The following PRKCB variants were observed in gnomAD, a reference collection of about 807,000 sequenced individuals.
PRKCB encodes the protein protein kinase C beta type.
Under a neutral mutation model 81.5 loss-of-function variants are expected in PRKCB, and 13 were observed. The ratio of observed to expected loss-of-function variants is 0.16; its 90% CI spans 0.10 to 0.25. PRKCB has a LOEUF of 0.25. Among genes scored for constraint, PRKCB ranks in the 10% least tolerant of loss-of-function variants. The pLI, the probability that PRKCB is intolerant of heterozygous loss-of-function variation, is 1.00. For synonymous variants in PRKCB, 335 were observed against 321.4 expected, an observed-to-expected ratio of 1.04 and a Z score of -0.45; for missense variants, 509 against 875.7, an observed-to-expected ratio of 0.58 and a Z score of 5.29.
chr16:24,108,186 G>A (rs1966602568), intron 7 of PRKCB, among the ~76,000 whole-genome samples: 1 of 148,992 alleles, frequency 6.7e-6, no homozygotes, highest in Non-Finnish European at 1.5e-5. Flanking sequence ...TTTTTTATTG[G>A]AACATTAATT....
intron 2 of PRKCB, among the ~76,000 whole-genome samples, chr16:23,858,196 A>G (rs10852256): frequency 0.51 from 76,830 of 152,072 alleles, 21,093 homozygotes; most frequent in East Asian, 0.66. Flanking sequence ...CCTTCCACTA[A>G]GATTTGCTGC....
intron 13 of PRKCB, among the ~76,000 whole-genome samples, chr16:24,183,689 A>G (rs1967661364): frequency 6.6e-6 from 1 of 152,228 alleles, no homozygotes; most frequent in Admixed American, 6.5e-5. Context: ...ACATAACTTC[A>G]TGATATAGAG....
At position 24,119,336 on chromosome 16, in the gene PRKCB, C is replaced by A. The variant is rs550639050; in HGVS notation, c.919-4499C>A. On this transcript the variant is annotated intron_variant, in intron 8 of 16. Coordinates refer to ENST00000643927, the MANE Select transcript of PRKCB (RefSeq NM_002738.7). Reference sequence around the variant, plus strand: ...TGAAGGACAAGGAAAAAATCAACCCCTCTTCCCACCCCCCCAAAAAAGTCC... The same window carrying A: ...TGAAGGACAAGGAAAAAATCAACCCATCTTCCCACCCCCCCAAAAAAGTCC... Among the ~76,000 whole-genome samples, 530 of 152,166 alleles carry A rather than the reference C, an allele frequency of 3.5e-3. 2 individuals are homozygous for A. The highest frequency in any genetic ancestry group is 0.011 in the African/African-American group (473 of 41,484).
intron 5 of PRKCB, among the ~76,000 whole-genome samples, chr16:24,059,487 A>G (rs1197339568): frequency 6.6e-6 from 1 of 151,828 alleles, no homozygotes; most frequent in Non-Finnish European, 1.5e-5. Context: ...GGGAGACTCC[A>G]TTTCTACAAA....
intron 5 of PRKCB, among the ~76,000 whole-genome samples, chr16:24,048,664 G>A (rs1223250230): frequency 6.6e-6 from 1 of 151,802 alleles, no homozygotes; most frequent in Non-Finnish European, 1.5e-5. Flanking sequence ...TAATTTTTTT[G>A]TATTTTTAGT....
chr16:23,901,336 C>T (rs1362176932), intron 2 of PRKCB, among the ~76,000 whole-genome samples: 2 of 152,062 alleles, frequency 1.3e-5, no homozygotes, highest in African/African-American at 2.4e-5. Flanking sequence ...CATGGGTTCT[C>T]TTGCTTAAAA....
At chr16:24,195,225 C>T (rs920648483) in intron 16 of PRKCB, among the ~76,000 whole-genome samples, 1 of 151,500 alleles carries the variant, frequency 6.6e-6, no homozygotes, top group Non-Finnish European at 1.5e-5. Flanking sequence ...AGATACATCA[C>T]CTACCCATTT....
chr16:23,932,388 C>T (rs886991406), intron 2 of PRKCB, among the ~76,000 whole-genome samples: 16 of 152,128 alleles, frequency 1.1e-4, no homozygotes, highest in African/African-American at 3.9e-4. Flanking sequence ...TAAAATAAAA[C>T]TAAGCGATGC....
chr16:24,009,478 G>A (rs373642968), intron 3 of PRKCB, among the ~76,000 whole-genome samples: 1 of 149,148 alleles, frequency 6.7e-6, no homozygotes, highest in African/African-American at 2.5e-5. Context: ...AGGCTGGAGT[G>A]CAATGGCGTG....
At chr16:24,062,051 C>A (rs2141878329) in intron 5 of PRKCB, among the ~76,000 whole-genome samples, 1 of 152,266 alleles carries the variant, frequency 6.6e-6, no homozygotes, top group East Asian at 1.9e-4. Context: ...GGTATCCCAA[C>A]CCACTGCTAT....
intron 2 of PRKCB, among the ~76,000 whole-genome samples, chr16:23,987,521 A>ATT (rs919598155): frequency 1.3e-5 from 2 of 152,144 alleles, no homozygotes; most frequent in African/African-American, 4.8e-5. Context: ...ATATTTGATT[A>ATT]TTTGACAAGT....
chr16:23,890,492 T>C (rs1963276511), intron 2 of PRKCB, among the ~76,000 whole-genome samples: 1 of 152,210 alleles, frequency 6.6e-6, no homozygotes, highest in South Asian at 2.1e-4. Flanking sequence ...CCCTTAACTA[T>C]TTCTGGAAGC....
At chr16:24,147,306 C>CAAAAAAAA (rs34855077) in intron 9 of PRKCB, among the ~76,000 whole-genome samples, 1 of 114,908 alleles carries the variant, frequency 8.7e-6, no homozygotes, top group Admixed American at 9.3e-5. Flanking sequence ...GACTCTGTCT[C>CAAAAAAAA]AAAAAAAAAA....
chr16:24,171,362 G>A (rs573448677), intron 10 of PRKCB, among the ~76,000 whole-genome samples: 93 of 152,252 alleles, frequency 6.1e-4, no homozygotes, highest in African/African-American at 1.8e-3. Flanking sequence ...ATGGCATGGC[G>A]GCAGGCTTCC....
chr16:23,843,800 A>C (rs1962311214), intron 2 of PRKCB, among the ~76,000 whole-genome samples: 1 of 106,084 alleles, frequency 9.4e-6, no homozygotes, highest in Non-Finnish European at 2.2e-5. Context: ...CAAAAAAAAA[A>C]AAAAAAAAAA....
intron 8 of PRKCB, among the ~76,000 whole-genome samples, chr16:24,118,909 C>T (rs72779981): frequency 2.0e-4 from 31 of 152,164 alleles, no homozygotes; most frequent in Non-Finnish European, 3.2e-4. Context: ...TCTGAAGGCT[C>T]ACTGAGTAGG....
At chr16:23,859,378 T>A (rs955308527) in intron 2 of PRKCB, among the ~76,000 whole-genome samples, 17 of 151,716 alleles carry the variant, frequency 1.1e-4, no homozygotes, top group African/African-American at 3.2e-4. Flanking sequence ...CAGAAGAGAG[T>A]AGTGTAAAAG....
In PRKCB at chr16:24,209,760, C is replaced by T. The variant is rs540005059; in HGVS notation, c.1864-4898C>T. Among the ~76,000 whole-genome samples the T allele has an allele frequency of 5.9e-5, 9 of 152,220 alleles. 1 individual carries two copies. In the South Asian group the frequency reaches 1.9e-3, roughly 32 times the overall value. On this transcript the variant is annotated intron_variant, in intron 16 of 16. Coordinates refer to ENST00000643927, the MANE Select transcript of PRKCB (RefSeq NM_002738.7). ...CTGGTTGTACTGTTTCCACTATTGT[C>T]CCCCGCTCATTTAATCTATCCTTGT...
At position 24,049,880 on chromosome 16, in the gene PRKCB, A is replaced by G. The variant is rs35486158; in HGVS notation, c.529+14333A>G. Among the ~76,000 whole-genome samples the G allele has an allele frequency of 3.9e-3, 590 of 152,228 alleles. 5 individuals carry two copies. The highest frequency in any genetic ancestry group is 5.7e-3 in the Non-Finnish European group (391 of 68,020). ...TCGCTCAGGGAATCAGAGTCACTAT[A>G]AGCATCATGGAATAAGGGATTTACT... On this transcript the variant is annotated intron_variant, in intron 5 of 16. Transcript: ENST00000643927.
Sources: allele counts gnomAD v4.1 joint callset (sites outside exome capture counted in the v4.1 genomes callset), GRCh38; gene constraint gnomAD v4.1.1; transcripts MANE v1.5; gene names NCBI Gene and HGNC (gene_info 2026-07-23, HGNC 2026-07-21).